The following ARMC2 variants were observed in gnomAD, a reference collection of about 807,000 sequenced individuals.
ARMC2 encodes armadillo repeat containing 2.
Under a neutral mutation model 90.3 loss-of-function variants are expected in ARMC2, and 67 were observed. That is an observed-to-expected ratio of 0.74 (90% CI 0.61 to 0.91). The LOEUF (loss-of-function observed/expected upper bound fraction) is 0.91. ARMC2 is among the 40% of genes least tolerant of loss of function. The pLI is 0.00. For synonymous variants in ARMC2, 393 were observed against 393.0 expected (o/e 1.00, Z 0.00); for missense variants, 920 against 1,030.9 (o/e 0.89, Z 1.47).
chr6:108,915,128 G>C (rs1341945134), intron 10 of ARMC2, among the ~76,000 whole-genome samples: 1 of 151,766 alleles, frequency 6.6e-6, no homozygotes, highest in Non-Finnish European at 1.5e-5. Context: ...AATTTTTTTT[G>C]TATTTTTAGT....
chr6:108,873,223 GTTCT>G (rs1382991851), intron 4 of ARMC2, among the ~76,000 whole-genome samples: 1 of 151,992 alleles, frequency 6.6e-6, no homozygotes, highest in African/African-American at 2.4e-5. Context: ...ACAAAATATT[GTTCT>G]TTCTTTGATT....
At chr6:108,991,088 A>AC in the ARMC2 span, among the ~76,000 whole-genome samples, 1 of 152,102 alleles carries the variant, frequency 6.6e-6, no homozygotes, top group African/African-American at 2.4e-5. Flanking sequence ...ACAACAAAAA[A>AC]AAACTAATAG....
At chr6:108,975,090 G>A (rs985802530), downstream of ARMC2, among the ~76,000 whole-genome samples, 6 of 151,758 alleles carry the variant, frequency 4.0e-5, no homozygotes, top group African/African-American at 1.2e-4. Context: ...ATGTGCCGTA[G>A]TGGTTTGTTG....
chr6:109,040,292 C>T, the ARMC2 span, among the ~76,000 whole-genome samples: 985 of 152,138 alleles, frequency 6.5e-3, 11 homozygotes, highest in African/African-American at 0.022. Flanking sequence ...TATTTAAATA[C>T]ACCTTTTTGA....
chr6:108,964,056 A>T, intron 15 of ARMC2, 124 bp from the exon 16 acceptor site: 1 of 1,013,042 alleles, frequency 9.9e-7, no homozygotes, highest in Non-Finnish European at 1.4e-6. Context: ...AGAATGAGTT[A>T]AGTCCCTTAA....
chr6:108,856,245 G>A (rs1458990068), intron 2 of ARMC2, among the ~76,000 whole-genome samples: 2 of 150,594 alleles, frequency 1.3e-5, no homozygotes, highest in African/African-American at 2.4e-5. Flanking sequence ...TGTTAGGTTT[G>A]TTTTTTGTTT....
chr6:108,924,930 C>T (rs1774965726), intron 10 of ARMC2, among the ~76,000 whole-genome samples: 1 of 151,970 alleles, frequency 6.6e-6, no homozygotes, highest in African/African-American at 2.4e-5. Context: ...AACGTGTGAC[C>T]AGTCAGGTGG....
At chr6:108,858,921 TTCTG>T (rs1305989949) in intron 3 of ARMC2, among the ~76,000 whole-genome samples, 3 of 152,142 alleles carry the variant, frequency 2.0e-5, no homozygotes, top group Admixed American at 6.5e-5. Context: ...AAGATTTAGT[TTCTG>T]TCTGTCTTTT....
chr6:108,966,672 A>G (rs1241102531), intron 17 of ARMC2, among the ~76,000 whole-genome samples: 1 of 152,106 alleles, frequency 6.6e-6, no homozygotes, highest in East Asian at 1.9e-4. Context: ...CTCCATGAGC[A>G]TTAAACTGAC....
chr6:108,930,987 T>A (rs563865545), intron 11 of ARMC2, among the ~76,000 whole-genome samples: 2 of 151,374 alleles, frequency 1.3e-5, no homozygotes, highest in South Asian at 2.1e-4. Flanking sequence ...CACGGGAGTT[T>A]GTTGTACAGA....
At chr6:108,918,740 A>G (rs1431788117) in intron 10 of ARMC2, among the ~76,000 whole-genome samples, 1 of 152,198 alleles carries the variant, frequency 6.6e-6, no homozygotes. Context: ...TCCTGTCTCT[A>G]AAGTGCTGAC....
chr6:108,998,509 T>G, the ARMC2 span: 5 of 1,613,510 alleles, frequency 3.1e-6, no homozygotes, highest in East Asian at 1.1e-4. Context: ...CAAATAATAC[T>G]TACAGAAACA....
chr6:108,989,428 T>C, the ARMC2 span, among the ~76,000 whole-genome samples: 287 of 149,304 alleles, frequency 1.9e-3, no homozygotes, highest in African/African-American at 7.1e-3. Flanking sequence ...TCTAGAGATA[T>C]ATATCTAGAT....
intron 11 of ARMC2, among the ~76,000 whole-genome samples, chr6:108,934,425 T>C (rs901272135): frequency 6.6e-6 from 1 of 152,232 alleles, no homozygotes; most frequent in African/African-American, 2.4e-5. Context: ...GGATTTGTCA[T>C]TGGTGGTCAT....
chr6:108,941,082 C>A (rs1776399624), intron 12 of ARMC2, among the ~76,000 whole-genome samples: 1 of 151,956 alleles, frequency 6.6e-6, no homozygotes, highest in Non-Finnish European at 1.5e-5. Flanking sequence ...AGCTAGCTAG[C>A]TAGACAGACA....
rs527803602 is a variant in ARMC2, at chr6:108,962,003, G to A, written c.2039-11G>A. On this transcript the variant is annotated splice_polypyrimidine_tract_variant and intron_variant, in intron 14 of 17. Transcript: ENST00000392644. The stretch of plus-strand genomic sequence containing the variant: ...ATTCACTGATTTAATTTCTCTGGTC[G>A]CCAAATCCAGTGCTCTTAAAGCTTC... 3.5e-5 allele frequency: 55 copies of A among 1,572,608 alleles called. No individual in the cohort carries two copies. The highest frequency in any genetic ancestry group is 8.2e-5 in the African/African-American group (6 of 73,038).
At chr6:108,850,865 C>G (rs371504506) in intron 1 of ARMC2, among the ~76,000 whole-genome samples, 18 of 152,232 alleles carry the variant, frequency 1.2e-4, no homozygotes, top group African/African-American at 3.9e-4. Flanking sequence ...GTGGCAGAGA[C>G]CAGCCCGGGG....
chr6:108,883,959 T>G (rs1220696539), intron 5 of ARMC2, among the ~76,000 whole-genome samples: 1 of 152,220 alleles, frequency 6.6e-6, no homozygotes, highest in Non-Finnish European at 1.5e-5. Context: ...GGATCCTGGA[T>G]AATTTTTTTA....
chr6:108,885,262 G>T lies in ARMC2; in HGVS notation c.671+8912G>T, dbSNP rs189205196. On this transcript the variant is annotated intron_variant, in intron 5 of 17. Transcript: ENST00000392644. ...TGTGTGTGTGTGTGTATGTATTTTA[G>T]TCTTGTGCCCAAGCCAACACTATTA... Among the ~76,000 whole-genome samples, 64 of 151,798 alleles carry T rather than the reference G, an allele frequency of 4.2e-4. 1 individual carries two copies. The highest frequency in any genetic ancestry group is 1.4e-3 in the African/African-American group (58 of 41,346).
Sources: allele counts gnomAD v4.1 joint callset (sites outside exome capture counted in the v4.1 genomes callset), GRCh38; gene constraint gnomAD v4.1.1; transcripts MANE v1.5; gene names NCBI Gene and HGNC (gene_info 2026-07-23, HGNC 2026-07-21).